The following GRK3 variants were observed in gnomAD, a reference collection of about 807,000 sequenced individuals.
The protein encoded by GRK3 is G protein-coupled receptor kinase 3.
GRK3 carries 54 observed loss-of-function variants against 95.7 expected under a neutral mutation model. The observed-to-expected ratio is 0.56, with a 90% CI of 0.45 to 0.71. The LOEUF (loss-of-function observed/expected upper bound fraction) is 0.71. Ranked by LOEUF, GRK3 falls within the 30% of genes least tolerant of loss-of-function variation. The probability of loss-of-function intolerance (pLI) is 0.00; values close to 1 mark genes in which losing one functional copy is unlikely to be tolerated. For synonymous variants in GRK3, 281 were observed against 290.8 expected, an observed-to-expected ratio of 0.97 and a Z score of 0.34; for missense variants, 649 against 851.2, an observed-to-expected ratio of 0.76 and a Z score of 2.96.
intron 1 of GRK3, among the ~76,000 whole-genome samples, chr22:25,565,361 G>T (rs1185313337): frequency 1.3e-5 from 2 of 152,132 alleles, no homozygotes; most frequent in Non-Finnish European, 2.9e-5. Context: ...GGGAGAGAGC[G>T]CTCCAAAGTG....
At chr22:25,581,729 C>T (rs111520023) in intron 1 of GRK3, among the ~76,000 whole-genome samples, 3,429 of 152,046 alleles carry the variant, frequency 0.023, 55 homozygotes, top group Middle Eastern at 0.068. Flanking sequence ...CTGTTTACTT[C>T]CTGAGTGCAA....
In GRK3 at chr22:25,673,809, T is replaced by C. The variant is rs889969255; in HGVS notation, c.556-628T>C. On this transcript the variant is annotated intron_variant, in intron 7 of 20. Transcript: ENST00000324198. ...GAAGTGGGGCATTACTGAGATATTA[T>C]TGACTGAAGGAAAGTGCTTATGAAT... 3.9e-5 allele frequency among the ~76,000 whole-genome samples: 6 copies of C among 152,128 alleles called. No homozygotes were observed. The East Asian group carries it at 9.6e-4, about 24-fold the overall frequency.
At chr22:25,682,825 C>G (rs1470787416) in intron 9 of GRK3, among the ~76,000 whole-genome samples, 1 of 152,232 alleles carries the variant, frequency 6.6e-6, no homozygotes, top group African/African-American at 2.4e-5. Context: ...CTTTGTGCCT[C>G]TCCCAGTCAC....
chr22:25,660,270 G>C (rs1456753160), intron 3 of GRK3, among the ~76,000 whole-genome samples: 1 of 152,178 alleles, frequency 6.6e-6, no homozygotes, highest in Non-Finnish European at 1.5e-5. Context: ...TTGTTCTCCT[G>C]AATTGACTTA....
At chr22:25,636,168 C>A (rs1489785877) in intron 2 of GRK3, among the ~76,000 whole-genome samples, 2 of 152,152 alleles carry the variant, frequency 1.3e-5, no homozygotes, top group Non-Finnish European at 2.9e-5. Flanking sequence ...GCCCTAGAAT[C>A]AATCAGCCTT....
chr22:25,625,891 G>A (rs1156378254), intron 2 of GRK3, among the ~76,000 whole-genome samples: 1 of 151,518 alleles, frequency 6.6e-6, no homozygotes, highest in East Asian at 1.9e-4. Context: ...CGTGACCCAC[G>A]TGACCTTACC....
At chr22:25,683,823 C>G (rs990789888) in intron 9 of GRK3, among the ~76,000 whole-genome samples, 1 of 151,874 alleles carries the variant, frequency 6.6e-6, no homozygotes, top group Non-Finnish European at 1.5e-5. Context: ...TGTGGCTTGT[C>G]TTTTTACTCT....
intron 13 of GRK3, among the ~76,000 whole-genome samples, chr22:25,699,584 G>A (rs1210028754): frequency 6.6e-6 from 1 of 152,152 alleles, no homozygotes; most frequent in Non-Finnish European, 1.5e-5. Flanking sequence ...TGCCGAGGGT[G>A]AGGACCACTG....
At chr22:25,648,747 G>A in intron 3 of GRK3, 1 of 1,121,890 alleles carries the variant, frequency 8.9e-7, no homozygotes, top group South Asian at 1.2e-5. Context: ...TCAGATTGCT[G>A]ATGGTATGGC....
intron 5 of GRK3, among the ~76,000 whole-genome samples, chr22:25,665,813 T>C (rs755399291): frequency 6.6e-6 from 1 of 152,234 alleles, no homozygotes; most frequent in Non-Finnish European, 1.5e-5. Flanking sequence ...CAAAACTGTT[T>C]TTAAAGTAAA....
chr22:25,623,829 A>T (rs574806163), intron 2 of GRK3, among the ~76,000 whole-genome samples: 11 of 152,120 alleles, frequency 7.2e-5, no homozygotes, highest in Non-Finnish European at 1.5e-4. Flanking sequence ...TTATGCCATT[A>T]TTACTCTGAC....
chr22:25,592,416 G>C (rs574148273), intron 1 of GRK3, among the ~76,000 whole-genome samples: 1 of 151,988 alleles, frequency 6.6e-6, no homozygotes, highest in Non-Finnish European at 1.5e-5. Context: ...GTTTTCTCTC[G>C]GCATGTGGCT....
chr22:25,675,243 CCGTTGTGG>C (rs2085018783), intron 8 of GRK3, among the ~76,000 whole-genome samples: 1 of 152,134 alleles, frequency 6.6e-6, no homozygotes, highest in Non-Finnish European at 1.5e-5. Context: ...GAAGCATAAG[CCGTTGTGG>C]CATTTCAGAT....
chr22:25,611,153 T>G (rs936603215), intron 2 of GRK3, among the ~76,000 whole-genome samples: 13 of 152,188 alleles, frequency 8.5e-5, no homozygotes, highest in Non-Finnish European at 1.5e-4. Context: ...TGAGCCACGG[T>G]GTCCGGCCTA....
At chr22:25,620,230 A>G (rs1053995997) in intron 2 of GRK3, among the ~76,000 whole-genome samples, 1 of 152,102 alleles carries the variant, frequency 6.6e-6, no homozygotes, top group Non-Finnish European at 1.5e-5. Context: ...TCTGTTTTGC[A>G]CAGGGCTCGG....
intron 12 of GRK3, among the ~76,000 whole-genome samples, chr22:25,690,808 T>C (rs1255552107): frequency 6.6e-6 from 1 of 152,212 alleles, no homozygotes; most frequent in Non-Finnish European, 1.5e-5. Context: ...TCTTTCTTTC[T>C]TTTTTAATTA....
intron 15 of GRK3, among the ~76,000 whole-genome samples, chr22:25,706,800 G>A (rs1390932832): frequency 6.6e-6 from 1 of 152,136 alleles, no homozygotes; most frequent in Non-Finnish European, 1.5e-5. Context: ...TGGGATTACA[G>A]GCGTGAGCCA....
At chr22:25,702,171 G>C (rs774421345) in intron 13 of GRK3, among the ~76,000 whole-genome samples, 1 of 151,926 alleles carries the variant, frequency 6.6e-6, no homozygotes, top group Non-Finnish European at 1.5e-5. Flanking sequence ...GGAAATAAAG[G>C]ACTAGAGTGC....
intron 2 of GRK3, among the ~76,000 whole-genome samples, chr22:25,634,776 G>A (rs1307692163): frequency 6.6e-6 from 1 of 152,134 alleles, no homozygotes; most frequent in Non-Finnish European, 1.5e-5. Context: ...TAATTTGACA[G>A]CAACCATTTC....
Sources: allele counts gnomAD v4.1 joint callset (sites outside exome capture counted in the v4.1 genomes callset), GRCh38; gene constraint gnomAD v4.1.1; transcripts MANE v1.5; gene names NCBI Gene and HGNC (gene_info 2026-07-23, HGNC 2026-07-21).